The following TENM2 variants were observed in gnomAD, a reference collection of about 807,000 sequenced individuals.
TENM2 encodes teneurin-2.
TENM2 carries 52 observed loss-of-function variants against 245.2 expected under a neutral mutation model. The observed-to-expected ratio is 0.21, with a 90% CI of 0.17 to 0.27. The LOEUF (loss-of-function observed/expected upper bound fraction) is 0.27. Ranked by LOEUF, TENM2 falls within the 10% of genes least tolerant of loss-of-function variation. The pLI, the probability that TENM2 is intolerant of heterozygous loss-of-function variation, is 1.00. For synonymous variants in TENM2, 1,363 were observed against 1,438.9 expected (o/e 0.95, Z 1.19); for missense variants, 3,046 against 3,666.8 (o/e 0.83, Z 4.37).
At chr5:167,884,799 A>G (rs755841008) in intron 3 of TENM2, among the ~76,000 whole-genome samples, 1 of 152,148 alleles carries the variant, frequency 6.6e-6, no homozygotes, top group Non-Finnish European at 1.5e-5. Context: ...ATCATACAGT[A>G]ATTCTATACT....
At chr5:167,341,222 A>G (rs888023559) in intron 1 of TENM2, among the ~76,000 whole-genome samples, 1 of 152,208 alleles carries the variant, frequency 6.6e-6, no homozygotes, top group Non-Finnish European at 1.5e-5. Context: ...GTGTGATTAA[A>G]ATTAGAGAAG....
intron 2 of TENM2, among the ~76,000 whole-genome samples, chr5:167,779,170 C>A (rs1315418658): frequency 6.6e-6 from 1 of 152,180 alleles, no homozygotes; most frequent in Non-Finnish European, 1.5e-5. Context: ...GGTAGCTCTG[C>A]CTCCTTCCTG....
the TENM2 span, among the ~76,000 whole-genome samples, chr5:167,253,557 A>G: frequency 6.6e-6 from 1 of 152,240 alleles, no homozygotes; most frequent in South Asian, 2.1e-4. Context: ...CTTTTTTTGT[A>G]TTAGAATAGC....
At chr5:168,093,605 T>C (rs574844858) in intron 8 of TENM2, among the ~76,000 whole-genome samples, 1 of 152,258 alleles carries the variant, frequency 6.6e-6, no homozygotes, top group South Asian at 2.1e-4. Flanking sequence ...TTTTGATGTG[T>C]TTTGGAGAGA....
chr5:168,227,610 T>A (rs58846151), intron 24 of TENM2, among the ~76,000 whole-genome samples: 2,752 of 152,094 alleles, frequency 0.018, 71 homozygotes, highest in African/African-American at 0.063. Context: ...TAGACATCTT[T>A]AAATGTTTAA....
the TENM2 span, among the ~76,000 whole-genome samples, chr5:167,240,446 C>T: frequency 3.6e-3 from 549 of 152,146 alleles, 1 homozygote; most frequent in Non-Finnish European, 5.4e-3. Flanking sequence ...TCTTTTACCT[C>T]ATGTGTATCA....
intron 2 of TENM2, among the ~76,000 whole-genome samples, chr5:167,769,242 A>G (rs1030965066): frequency 5.9e-5 from 9 of 152,246 alleles, no homozygotes; most frequent in African/African-American, 2.2e-4. Flanking sequence ...TTGTTTGGGG[A>G]GCACTTAGAA....
At chr5:167,665,426 G>A (rs1424624085) in intron 2 of TENM2, among the ~76,000 whole-genome samples, 2 of 151,834 alleles carry the variant, frequency 1.3e-5, no homozygotes. Context: ...GAGGGCAGAA[G>A]AGGATATAAG....
At chr5:167,660,750 T>G (rs1755159240) in intron 2 of TENM2, among the ~76,000 whole-genome samples, 1 of 152,152 alleles carries the variant, frequency 6.6e-6, no homozygotes, top group Non-Finnish European at 1.5e-5. Flanking sequence ...CTGACCTAAG[T>G]AGTAACTAGT....
chr5:167,325,155 A>G (rs946387220), intron 1 of TENM2, among the ~76,000 whole-genome samples: 4 of 152,240 alleles, frequency 2.6e-5, no homozygotes, highest in Non-Finnish European at 5.9e-5. Context: ...CAATAAAATG[A>G]AATAATGCAA....
chr5:167,111,474 A>G, the TENM2 span, among the ~76,000 whole-genome samples: 1 of 152,248 alleles, frequency 6.6e-6, no homozygotes, highest in Non-Finnish European at 1.5e-5. Context: ...GGTCTGTATT[A>G]CACGTAGGAA....
At chr5:168,242,228 C>T (rs6887837) in intron 25 of TENM2, among the ~76,000 whole-genome samples, 16,066 of 152,204 alleles carry the variant, frequency 0.11, 939 homozygotes, top group African/African-American at 0.16. Flanking sequence ...AAGGAAGCTG[C>T]GAAATGTGTT....
chr5:167,999,045 TAAAG>T lies in TENM2; in HGVS notation c.1186+5867_1186+5870del, dbSNP rs1290172023. 2.0e-5 allele frequency among the ~76,000 whole-genome samples: 3 copies of T among 152,130 alleles called. No homozygotes were observed. In the East Asian group the frequency reaches 5.8e-4, roughly 29 times the overall value. On this transcript the variant is annotated intron_variant, in intron 5 of 28. Coordinates refer to ENST00000518659, the Ensembl canonical transcript of TENM2. Reference sequence around the variant, plus strand: ...GAACAGAGCAGGTTTGGAGAAAACATAAAGAAAATGACAGAAAATGATGAGAATG... The same window carrying T: ...GAACAGAGCAGGTTTGGAGAAAACATAAAATGACAGAAAATGATGAGAATG...
chr5:168,162,564 C>A (rs141630588), intron 12 of TENM2, 47 bp from the exon 15 acceptor site: 3 of 1,596,788 alleles, frequency 1.9e-6, no homozygotes, highest in Non-Finnish European at 2.6e-6. Flanking sequence ...GCTTCCCCAG[C>A]GCGGCCTCAC....
chr5:168,120,441 C>A (rs982224665), intron 10 of TENM2, among the ~76,000 whole-genome samples: 1 of 152,172 alleles, frequency 6.6e-6, no homozygotes, highest in African/African-American at 2.4e-5. Context: ...TTAAAACGAC[C>A]TTTTGCATGC....
intron 10 of TENM2, among the ~76,000 whole-genome samples, chr5:168,123,301 A>G (rs1795606353): frequency 6.6e-6 from 1 of 152,178 alleles, no homozygotes; most frequent in South Asian, 2.1e-4. Flanking sequence ...CCTGTCTCAG[A>G]AAACAAACAA....
At chr5:167,220,211 C>A in the TENM2 span, among the ~76,000 whole-genome samples, 1 of 152,074 alleles carries the variant, frequency 6.6e-6, no homozygotes, top group Non-Finnish European at 1.5e-5. Context: ...TAAGAGGTAT[C>A]CTCTTGGGAG....
chr5:167,689,311 A>G (rs926105327), intron 2 of TENM2, among the ~76,000 whole-genome samples: 3 of 152,230 alleles, frequency 2.0e-5, no homozygotes, highest in Non-Finnish European at 4.4e-5. Flanking sequence ...CTGGAGCCCC[A>G]GTTGCCCATC....
intron 5 of TENM2, among the ~76,000 whole-genome samples, chr5:168,015,425 C>G (rs1011455439): frequency 1.3e-5 from 2 of 152,202 alleles, no homozygotes; most frequent in African/African-American, 4.8e-5. Flanking sequence ...AGACTCCAAA[C>G]AATATGCTCT....
Sources: gnomAD v4.1 joint callset for allele counts (sites outside exome capture counted in the v4.1 genomes callset) on GRCh38, gnomAD v4.1.1 for gene constraint, MANE v1.5 for transcripts, NCBI Gene and HGNC (gene_info 2026-07-23, HGNC 2026-07-21) for gene names.